LRRTM4: variants seen among roughly 807,000 people sequenced by gnomAD.
LRRTM4 encodes leucine-rich repeat transmembrane neuronal protein 4.
Under a neutral mutation model 47.6 loss-of-function variants are expected in LRRTM4, and 25 were observed. The ratio of observed to expected loss-of-function variants is 0.53; its 90% CI spans 0.38 to 0.73. The LOEUF (loss-of-function observed/expected upper bound fraction) is 0.73, where lower values mean the gene tolerates loss of function less well. Among genes scored for constraint, LRRTM4 ranks in the 30% least tolerant of loss-of-function variants. LRRTM4 has a pLI of 0.00. For synonymous variants in LRRTM4, 311 were observed against 269.5 expected, an observed-to-expected ratio of 1.15 and a Z score of -1.51; for missense variants, 638 against 713.4, an observed-to-expected ratio of 0.89 and a Z score of 1.20.
chr2:76,983,163 C>T (rs977474219), intron 3 of LRRTM4, among the ~76,000 whole-genome samples: 1 of 152,006 alleles, frequency 6.6e-6, no homozygotes, highest in African/African-American at 2.4e-5. Flanking sequence ...GAGAAAGTTA[C>T]TGCATAGTTC....
At chr2:77,410,279 T>C (rs900445566) in intron 3 of LRRTM4, among the ~76,000 whole-genome samples, 5 of 152,156 alleles carry the variant, frequency 3.3e-5, no homozygotes, top group African/African-American at 7.2e-5. Context: ...GAGTCTGATA[T>C]TGGGAAAATG....
At chr2:77,212,457 TTA>T (rs367948629) in intron 3 of LRRTM4, among the ~76,000 whole-genome samples, 4,762 of 145,264 alleles carry the variant, frequency 0.033, 96 homozygotes, top group Non-Finnish European at 0.043. Flanking sequence ...AGTGGAATAA[TTA>T]TATATATATA....
chr2:77,400,697 T>C (rs1673915445), intron 3 of LRRTM4, among the ~76,000 whole-genome samples: 1 of 151,826 alleles, frequency 6.6e-6, no homozygotes, highest in African/African-American at 2.4e-5. Flanking sequence ...GTGCTCAAGT[T>C]CGGCAGCCTC....
intron 3 of LRRTM4, among the ~76,000 whole-genome samples, chr2:77,223,547 C>A (rs1427287272): frequency 2.6e-5 from 4 of 152,164 alleles, no homozygotes; most frequent in Non-Finnish European, 5.9e-5. Context: ...AAATCACAAG[C>A]ATTCTTATAC....
At chr2:77,313,986 G>T (rs1190057939) in intron 3 of LRRTM4, among the ~76,000 whole-genome samples, 2 of 152,164 alleles carry the variant, frequency 1.3e-5, no homozygotes, top group African/African-American at 4.8e-5. Flanking sequence ...ATTATGCCCA[G>T]TTTTGAACCA....
chr2:76,794,240 G>C (rs532870796), intron 3 of LRRTM4, among the ~76,000 whole-genome samples: 1 of 152,280 alleles, frequency 6.6e-6, no homozygotes, highest in South Asian at 2.1e-4. Flanking sequence ...TAGATTACCT[G>C]ATTGTTTCTT....
chr2:77,185,201 C>T (rs1673466768), intron 3 of LRRTM4, among the ~76,000 whole-genome samples: 1 of 152,052 alleles, frequency 6.6e-6, no homozygotes. Context: ...TAGAAGACAC[C>T]CTGTACTCAA....
At chr2:76,968,385 C>CAT (rs1450177199) in intron 3 of LRRTM4, among the ~76,000 whole-genome samples, 15 of 79,632 alleles carry the variant, frequency 1.9e-4, no homozygotes, top group African/African-American at 5.4e-4. Context: ...TATATATATA[C>CAT]ACATACATAC....
intron 3 of LRRTM4, among the ~76,000 whole-genome samples, chr2:77,417,695 T>C (rs1029985923): frequency 2.1e-5 from 3 of 143,930 alleles, no homozygotes; most frequent in African/African-American, 5.2e-5. Flanking sequence ...TTCCCACTCA[T>C]AGGTGGGAAT....
intron 3 of LRRTM4, among the ~76,000 whole-genome samples, chr2:77,070,098 C>T (rs186204018): frequency 1.4e-3 from 214 of 152,124 alleles, no homozygotes; most frequent in Non-Finnish European, 2.6e-3. Context: ...TGAGCTATCG[C>T]GTGCTTCTGC....
chr2:77,471,859 C>A (rs1175787055), intron 3 of LRRTM4, among the ~76,000 whole-genome samples: 1 of 152,142 alleles, frequency 6.6e-6, no homozygotes, highest in Admixed American at 6.6e-5. Flanking sequence ...TACAGATGTA[C>A]ACACATATAC....
intron 3 of LRRTM4, among the ~76,000 whole-genome samples, chr2:76,905,243 C>G (rs1673785742): frequency 6.6e-6 from 1 of 152,182 alleles, no homozygotes; most frequent in African/African-American, 2.4e-5. Flanking sequence ...CAAACAAGGT[C>G]TGGAGTGGAC....
At chr2:76,864,107 A>G (rs1672397657) in intron 3 of LRRTM4, among the ~76,000 whole-genome samples, 1 of 152,246 alleles carries the variant, frequency 6.6e-6, no homozygotes, top group East Asian at 1.9e-4. Context: ...TGCTAGGAGA[A>G]GAAAAGTCTT....
Position 76,748,026 on chromosome 2 carries a change from C to A in LRRTM4, c.*669G>T, listed in dbSNP as rs769974518. ...ATATATGGCATTTGTCATGAAGGGT[C>A]ATTCACCCAGACTTATTGGGTTTTC... On this transcript the variant is annotated 3_prime_UTR_variant, in exon 4 of 4. Transcript: ENST00000409884. The A allele has an allele frequency of 2.0e-5, 3 of 152,348 alleles. No individual in the cohort carries two copies. The highest frequency in any genetic ancestry group is 4.4e-5 in the Non-Finnish European group (3 of 68,212). 9.4% of individuals were successfully genotyped at this position (152,348 alleles called of 1,614,324 possible).
At chr2:77,090,128 A>G (rs1670553007) in intron 3 of LRRTM4, among the ~76,000 whole-genome samples, 1 of 151,888 alleles carries the variant, frequency 6.6e-6, no homozygotes, top group African/African-American at 2.4e-5. Context: ...TAATCTTTTT[A>G]TCACCTCCCC....
intron 3 of LRRTM4, among the ~76,000 whole-genome samples, chr2:77,405,454 C>A (rs756220562): frequency 3.3e-5 from 5 of 152,022 alleles, no homozygotes; most frequent in Non-Finnish European, 7.4e-5. Context: ...ATGTGATATA[C>A]CTCTCAGACT....
At chr2:77,281,306 G>T (rs906159864) in intron 3 of LRRTM4, among the ~76,000 whole-genome samples, 2 of 151,848 alleles carry the variant, frequency 1.3e-5, no homozygotes, top group Admixed American at 6.6e-5. Flanking sequence ...AATTATTCAT[G>T]ATTTCTGTAG....
At chr2:77,421,864 T>G (rs1573391801) in intron 3 of LRRTM4, among the ~76,000 whole-genome samples, 1 of 152,200 alleles carries the variant, frequency 6.6e-6, no homozygotes, top group Non-Finnish European at 1.5e-5. Context: ...AATAACGATA[T>G]TTTTGGTCAA....
chr2:77,171,871 G>A lies in LRRTM4; in HGVS notation c.1551+346447C>T, dbSNP rs528985513. Among the ~76,000 whole-genome samples, 5 of 152,014 alleles carry A rather than the reference G, an allele frequency of 3.3e-5. No individual in the cohort carries two copies. In the East Asian group the frequency reaches 5.8e-4, roughly 18 times the overall value. On this transcript the variant is annotated intron_variant, in intron 3 of 3. Coordinates refer to ENST00000409884, the MANE Select transcript of LRRTM4 (RefSeq NM_001134745.3). ...AAAGGCCACTCTAGATATTCCAAAGGGGAAGATTTTCATACAGCAAATCAC... is the reference window on the plus strand; with the variant it reads ...AAAGGCCACTCTAGATATTCCAAAGAGGAAGATTTTCATACAGCAAATCAC...
Sources: allele counts gnomAD v4.1 joint callset (sites outside exome capture counted in the v4.1 genomes callset), GRCh38; gene constraint gnomAD v4.1.1; transcripts MANE v1.5; gene names NCBI Gene and HGNC (gene_info 2026-07-23, HGNC 2026-07-21).